Variants in VPS41 observed in about 807,000 individuals in gnomAD.
The protein encoded by VPS41 is vacuolar protein sorting-associated protein 41 homolog.
A neutral mutation model predicts 130.9 loss-of-function variants in VPS41; 85 were observed. The observed-to-expected ratio is 0.65, with a 90% CI of 0.55 to 0.78. The LOEUF (loss-of-function observed/expected upper bound fraction) is 0.78. Among genes scored for constraint, VPS41 ranks in the 30% least tolerant of loss-of-function variants. The pLI is 0.00. For missense variants in VPS41, 874 were observed against 1,018.7 expected, an observed-to-expected ratio of 0.86 and a Z score of 1.93; for synonymous variants, 335 against 332.9, an observed-to-expected ratio of 1.01 and a Z score of -0.07.
At position 38,795,567 on chromosome 7, in the gene VPS41, A is replaced by G. The variant is rs1478097724; in HGVS notation, c.615T>C (p.Asn205=). 4 of 1,612,818 alleles carry G rather than the reference A, an allele frequency of 2.5e-6. No individual in the cohort carries two copies. Among genetic ancestry groups the G allele is most frequent in the Admixed American group, 3.3e-5 (2 of 59,936 alleles). The change falls in exon 9 of 29, where the codon AAT becomes AAC. Residue 205 remains asparagine, a synonymous_variant. Transcript: ENST00000310301. ...GAAGACTTATATCATCCCGGGGCAC[A>G]TTGGTGATTCTTTGCTTTGAGATGA... The part of the protein sequence containing the change: ...FDIISKQRIT[N]VPRDDISLRP...
At position 38,728,554 on chromosome 7, in the gene VPS41, T is replaced by G; in HGVS notation, c.2392A>C (p.Ile798Leu). ...AAAACCTTCTTACCTGATGGAAGAA[T>G]AGGGGAAAGGCACGACTCACAGATG... ...ENICESCLSP[I>L]LPSDAAKPFS... The change falls in exon 27 of 29, where the codon ATT becomes CTT. Residue 798 changes from isoleucine (I) to leucine (L), a missense_variant. Physicochemically the swap from Ile to Leu is conservative, Grantham distance 5. Coordinates refer to ENST00000310301, the MANE Select transcript of VPS41 (RefSeq NM_014396.4). 6.2e-7 allele frequency: 1 copy of G among 1,614,132 alleles called. No individual in the cohort carries two copies. The highest frequency in any genetic ancestry group is 1.3e-5 in the African/African-American group (1 of 75,032).
intron 1 of VPS41, among the ~76,000 whole-genome samples, chr7:38,902,608 A>G (rs774214915): frequency 3.0e-4 from 46 of 151,970 alleles, no homozygotes; most frequent in Non-Finnish European, 6.0e-4. Flanking sequence ...ACCACTCCCA[A>G]TTTCTGACAC....
chr7:38,739,376 T>C (rs976035989), intron 25 of VPS41, among the ~76,000 whole-genome samples: 1 of 152,114 alleles, frequency 6.6e-6, no homozygotes, highest in Non-Finnish European at 1.5e-5. Context: ...AAAAACAACA[T>C]AGTTTTATAA....
At chr7:38,814,729 G>A (rs1290930340) in intron 7 of VPS41, among the ~76,000 whole-genome samples, 2 of 152,060 alleles carry the variant, frequency 1.3e-5, no homozygotes, top group Non-Finnish European at 2.9e-5. Context: ...CCTACCACAT[G>A]GACATCAACA....
chr7:38,816,238 T>C (rs1785046448), intron 7 of VPS41, among the ~76,000 whole-genome samples: 1 of 152,100 alleles, frequency 6.6e-6, no homozygotes, highest in Non-Finnish European at 1.5e-5. Flanking sequence ...AGCCTAAGAA[T>C]AACAATGGGC....
chr7:38,901,741 T>G (rs1787150548), intron 1 of VPS41, among the ~76,000 whole-genome samples: 1 of 152,026 alleles, frequency 6.6e-6, no homozygotes, highest in South Asian at 2.1e-4. Context: ...ATCATACACT[T>G]AAAAATGGTT....
intron 18 of VPS41, among the ~76,000 whole-genome samples, chr7:38,757,210 C>A (rs1272353165): frequency 6.6e-6 from 1 of 152,114 alleles, no homozygotes; most frequent in African/African-American, 2.4e-5. Context: ...TAAGAAAATT[C>A]ACAATATTCA....
chr7:38,898,878 C>T (rs1236116622), intron 1 of VPS41, among the ~76,000 whole-genome samples: 2 of 152,062 alleles, frequency 1.3e-5, no homozygotes, highest in African/African-American at 4.8e-5. Context: ...ATATCAATAG[C>T]AATAAAAGGT....
intron 5 of VPS41, among the ~76,000 whole-genome samples, chr7:38,827,121 A>C (rs1371119983): frequency 6.6e-6 from 1 of 152,184 alleles, no homozygotes; most frequent in Non-Finnish European, 1.5e-5. Flanking sequence ...CTGGCCAAAA[A>C]GTTCTAATTT....
chr7:38,835,229 T>TA (rs1785470076), intron 4 of VPS41, among the ~76,000 whole-genome samples: 1 of 151,970 alleles, frequency 6.6e-6, no homozygotes, highest in African/African-American at 2.4e-5. Flanking sequence ...CACTTTATTT[T>TA]AAAATTTTTC....
chr7:38,783,150 C>T (rs1784383435), intron 10 of VPS41, among the ~76,000 whole-genome samples: 1 of 151,944 alleles, frequency 6.6e-6, no homozygotes, highest in African/African-American at 2.4e-5. Context: ...AAAAGAGTAA[C>T]TGAGTATCAA....
chr7:38,758,579 C>A (rs1783852207), intron 17 of VPS41, 98 bp from the exon 18 acceptor site: 1 of 1,195,032 alleles, frequency 8.4e-7, no homozygotes, highest in Admixed American at 2.4e-5. Context: ...TGTTTCCTGG[C>A]ATATAACTCT....
intron 4 of VPS41, among the ~76,000 whole-genome samples, chr7:38,840,751 C>T (rs1785592443): frequency 6.6e-6 from 1 of 151,878 alleles, no homozygotes; most frequent in South Asian, 2.1e-4. Flanking sequence ...AATTTCAGTC[C>T]CCATTAGCAA....
rs763767833 is a variant in VPS41, at chr7:38,728,692, C to A, written c.2359G>T (p.Glu787Ter). ...ATATGATTATTTCAATTTTACCCAC[C>A]ATCAACAAGAACACCTTTCATTTGA... ...RTQMKGVLVD[E>*]ENICESCLSP... The change falls in exon 26 of 29, where the codon GAG becomes TAG. Residue 787 changes from glutamate (E) to a stop codon, truncating the protein, a stop_gained and splice_region_variant. Transcript: ENST00000310301. LOFTEE classifies it high-confidence loss of function. 1 of 1,614,086 alleles carries A rather than the reference C, an allele frequency of 6.2e-7. No individual in the cohort carries two copies. The highest frequency in any genetic ancestry group is 1.7e-5 in the Admixed American group (1 of 60,024).
intron 2 of VPS41, among the ~76,000 whole-genome samples, chr7:38,885,379 G>A (rs1405437104): frequency 1.3e-5 from 2 of 152,130 alleles, no homozygotes; most frequent in Admixed American, 1.3e-4. Context: ...TTAGTCTCCA[G>A]TTCTATCACC....
chr7:38,819,883 T>A (rs1487799922), intron 6 of VPS41, among the ~76,000 whole-genome samples: 3 of 152,190 alleles, frequency 2.0e-5, no homozygotes, highest in Non-Finnish European at 4.4e-5. Flanking sequence ...TTCACCTTAT[T>A]CAACTATGGT....
At chr7:38,730,867 A>G (rs1287334524) in intron 25 of VPS41, among the ~76,000 whole-genome samples, 5 of 152,218 alleles carry the variant, frequency 3.3e-5, no homozygotes, top group Non-Finnish European at 7.3e-5. Context: ...AGGCAGGGCC[A>G]GCAGTCTAGA....
At chr7:38,881,119 TGTC>T (rs2116380139) in intron 2 of VPS41, among the ~76,000 whole-genome samples, 1 of 152,288 alleles carries the variant, frequency 6.6e-6, no homozygotes, top group South Asian at 2.1e-4. Context: ...ACAAATTTGT[TGTC>T]GTACAGTGCT....
intron 7 of VPS41, among the ~76,000 whole-genome samples, chr7:38,815,416 T>G (rs1584409256): frequency 6.6e-6 from 1 of 152,072 alleles, no homozygotes; most frequent in African/African-American, 2.4e-5. Context: ...AGAGCAAGAC[T>G]CCGTCTCAAA....
Sources: allele counts gnomAD v4.1 joint callset (sites outside exome capture counted in the v4.1 genomes callset), GRCh38; gene constraint gnomAD v4.1.1; transcripts MANE v1.5; gene names NCBI Gene and HGNC (gene_info 2026-07-23, HGNC 2026-07-21).